PTPRC: variants seen among roughly 807,000 people sequenced by gnomAD.
PTPRC encodes the protein receptor-type tyrosine-protein phosphatase C.
A neutral mutation model predicts 155.9 loss-of-function variants in PTPRC; 44 were observed. The observed-to-expected ratio is 0.28, with a 90% CI of 0.22 to 0.36. The LOEUF (loss-of-function observed/expected upper bound fraction) is 0.36. PTPRC is among the 10% of genes least tolerant of loss of function. PTPRC has a pLI of 1.00. For synonymous variants in PTPRC, 525 were observed against 533.1 expected, an observed-to-expected ratio of 0.98 and a Z score of 0.21; for missense variants, 1,401 against 1,564.6, an observed-to-expected ratio of 0.90 and a Z score of 1.76.
At chr1:198,650,991 T>C (rs1663216741) in intron 2 of PTPRC, among the ~76,000 whole-genome samples, 2 of 152,002 alleles carry the variant, frequency 1.3e-5, no homozygotes, top group South Asian at 4.1e-4. Context: ...TTGGTAAATA[T>C]CTCTATTAAC....
intron 2 of PTPRC, among the ~76,000 whole-genome samples, chr1:198,679,400 T>A (rs1229731407): frequency 7.1e-6 from 1 of 141,450 alleles, no homozygotes. Flanking sequence ...CCAGCTATTT[T>A]TTTTTTTTTT....
At chr1:198,665,602 C>T (rs1336873212) in intron 2 of PTPRC, among the ~76,000 whole-genome samples, 1 of 152,112 alleles carries the variant, frequency 6.6e-6, no homozygotes, top group Non-Finnish European at 1.5e-5. Flanking sequence ...GTAACTATAA[C>T]GATATTTTCA....
intron 2 of PTPRC, among the ~76,000 whole-genome samples, chr1:198,656,332 A>G (rs76646915): frequency 0.025 from 3,743 of 152,230 alleles, 154 homozygotes; most frequent in African/African-American, 0.081. Flanking sequence ...CATTTCCAGT[A>G]AGAATTGCTA....
At position 198,722,469 on chromosome 1, in the gene PTPRC, A is replaced by C. The variant is rs754236520; in HGVS notation, c.1713A>C (p.Ser571=). ...GAGAACCCTTTATTTTACATCATTC[A>C]ACATCTTGTAAGTTATCACTGGGCT... is the stretch of plus-strand genomic sequence containing the variant. ...YPGEPFILHH[S]TSYNSKALIA... is the part of the protein sequence containing the mutation. The change falls in exon 15 of 33, where the codon TCA becomes TCC. Residue 571 remains serine (S), a synonymous_variant. Transcript: ENST00000442510. 1.4e-6 allele frequency: 2 copies of C among 1,460,432 alleles called. No individual in the cohort carries two copies. Among genetic ancestry groups the C allele is most frequent in the Non-Finnish European group, 1.8e-6 (2 of 1,096,476 alleles). The allele number at this position is 1,460,432 out of a possible 1,614,324, so 90.5% of individuals were successfully genotyped here. A position where few individuals can be genotyped will look rare whatever the true frequency, so the allele number is the denominator to read the frequency against.
chr1:198,749,325 C>A, intron 27 of PTPRC, 91 bp from the exon 28 acceptor site: 1 of 1,272,272 alleles, frequency 7.9e-7, no homozygotes, highest in Non-Finnish European at 1.1e-6. Context: ...TACAATCTGT[C>A]CCTTTTTAAA....
At chr1:198,663,827 T>G (rs1664124112) in intron 2 of PTPRC, among the ~76,000 whole-genome samples, 1 of 152,160 alleles carries the variant, frequency 6.6e-6, no homozygotes, top group Admixed American at 6.5e-5. Flanking sequence ...TAAACATTAT[T>G]GAATATATGT....
At chr1:198,748,471 A>G (rs1655239600) in intron 27 of PTPRC, among the ~76,000 whole-genome samples, 1 of 151,854 alleles carries the variant, frequency 6.6e-6, no homozygotes, top group African/African-American at 2.4e-5. Flanking sequence ...AGAGAAATAT[A>G]TAAAGCTGGG....
intron 27 of PTPRC, among the ~76,000 whole-genome samples, chr1:198,749,013 C>A (rs1230811101): frequency 6.6e-6 from 1 of 151,192 alleles, no homozygotes; most frequent in African/African-American, 2.4e-5. Flanking sequence ...TCAAAGCTAC[C>A]CATATAAGAT....
At chr1:198,671,384 A>C (rs1273238819) in intron 2 of PTPRC, among the ~76,000 whole-genome samples, 2 of 152,144 alleles carry the variant, frequency 1.3e-5, no homozygotes, top group Non-Finnish European at 2.9e-5. Flanking sequence ...TTTTCATGAA[A>C]CATGAAACTA....
At chr1:198,672,462 G>GT (rs1664697753) in intron 2 of PTPRC, among the ~76,000 whole-genome samples, 1 of 151,758 alleles carries the variant, frequency 6.6e-6, no homozygotes, top group Non-Finnish European at 1.5e-5. Flanking sequence ...TTTAACTGTT[G>GT]TTTTTTGTTT....
chr1:198,695,482 C>CTT (rs569207411), intron 3 of PTPRC, among the ~76,000 whole-genome samples: 7 of 132,696 alleles, frequency 5.3e-5, no homozygotes, highest in Non-Finnish European at 9.6e-5. Flanking sequence ...ATCACATGAG[C>CTT]TTTTTTTTTT....
At chr1:198,674,775 T>A (rs149615904) in intron 2 of PTPRC, among the ~76,000 whole-genome samples, 126 of 152,184 alleles carry the variant, frequency 8.3e-4, no homozygotes, top group Middle Eastern at 3.4e-3. Flanking sequence ...TACAGAAAAG[T>A]TGCAAAGATA....
chr1:198,647,186 T>C (rs1662985513), intron 2 of PTPRC, among the ~76,000 whole-genome samples: 4 of 151,908 alleles, frequency 2.6e-5, no homozygotes, highest in Admixed American at 2.0e-4. Flanking sequence ...TGTATAACCC[T>C]TGCTCTTCAG....
chr1:198,733,826 G>A (rs545997106), intron 20 of PTPRC, among the ~76,000 whole-genome samples: 1 of 151,896 alleles, frequency 6.6e-6, no homozygotes, highest in African/African-American at 2.4e-5. Flanking sequence ...CATGGCTGGT[G>A]AGCTTGTTTA....
intron 2 of PTPRC, among the ~76,000 whole-genome samples, chr1:198,642,770 A>G (rs2102176208): frequency 6.6e-6 from 1 of 151,972 alleles, no homozygotes; most frequent in East Asian, 1.9e-4. Context: ...TAAAATAAAA[A>G]GTGAAGGGTT....
At chr1:198,719,980 A>T (rs1653806164) in intron 14 of PTPRC, among the ~76,000 whole-genome samples, 1 of 152,130 alleles carries the variant, frequency 6.6e-6, no homozygotes, top group Non-Finnish European at 1.5e-5. Flanking sequence ...TGAACTGGAA[A>T]TGTCGGTTGG....
chr1:198,651,641 T>G (rs1663258113), intron 2 of PTPRC, among the ~76,000 whole-genome samples: 1 of 151,850 alleles, frequency 6.6e-6, no homozygotes, highest in Non-Finnish European at 1.5e-5. Context: ...CTGTTAACAT[T>G]TTATAAATGT....
rs182538769 is a variant in PTPRC, at chr1:198,674,947, C to A, written c.74-17400C>A. On this transcript the variant is annotated intron_variant, in intron 2 of 32. Transcript: ENST00000442510. Reference sequence around the variant, plus strand: ...CCATTTTTCCAATATTGTTCTTTTCCTGCTACAGCATCCAATCTAGGACCT... The same window carrying A: ...CCATTTTTCCAATATTGTTCTTTTCATGCTACAGCATCCAATCTAGGACCT... Among the ~76,000 whole-genome samples, 328 of 152,142 alleles carry A rather than the reference C, an allele frequency of 2.2e-3. 5 individuals carry two copies. Among genetic ancestry groups the A allele is most frequent in the African/African-American group, 7.4e-3 (306 of 41,508 alleles).
At chr1:198,680,554 G>A (rs190215311) in intron 2 of PTPRC, among the ~76,000 whole-genome samples, 3 of 151,962 alleles carry the variant, frequency 2.0e-5, no homozygotes, top group Non-Finnish European at 4.4e-5. Flanking sequence ...GAATCGTAAA[G>A]ACTTTGGAAT....
Sources: gnomAD v4.1 joint callset for allele counts (sites outside exome capture counted in the v4.1 genomes callset) on GRCh38, gnomAD v4.1.1 for gene constraint, MANE v1.5 for transcripts, NCBI Gene and HGNC (gene_info 2026-07-23, HGNC 2026-07-21) for gene names.